The following DACH2 variants were observed in gnomAD, a reference collection of about 807,000 sequenced individuals.
The protein encoded by DACH2 is dachshund family transcription factor 2.
A neutral mutation model predicts 35.8 loss-of-function variants in DACH2; 17 were observed. The ratio of observed to expected loss-of-function variants is 0.48; its 90% CI spans 0.33 to 0.71. DACH2 has a LOEUF of 0.71. DACH2 is among the 30% of genes least tolerant of loss of function. The pLI is 0.02. For synonymous variants in DACH2, 195 were observed against 177.3 expected (o/e 1.10, Z -0.79); for missense variants, 469 against 472.7 (o/e 0.99, Z 0.07).
chrX:86,231,552 T>C (rs1262562200), intron 1 of DACH2, among the ~76,000 whole-genome samples: 1 of 110,972 alleles, frequency 9.0e-6, no homozygotes, highest in Non-Finnish European at 1.9e-5. Flanking sequence ...GTCAGGGAAG[T>C]GGAGAAAATC....
At chrX:86,753,170 T>A (rs914545637) in intron 7 of DACH2, among the ~76,000 whole-genome samples, 18 of 110,955 alleles carry the variant, frequency 1.6e-4, no homozygotes, top group African/African-American at 5.9e-4. Context: ...ACTTCCAGTC[T>A]GTTATATGTG....
intron 2 of DACH2, among the ~76,000 whole-genome samples, chrX:86,459,022 A>C (rs947584554): frequency 5.4e-5 from 6 of 111,846 alleles, no homozygotes; most frequent in Admixed American, 9.5e-5. Flanking sequence ...GTATAATAAA[A>C]AACTTATTAA....
chrX:86,312,819 TACTC>T (rs1464974092), intron 1 of DACH2, among the ~76,000 whole-genome samples: 2 of 111,404 alleles, frequency 1.8e-5, no homozygotes, highest in Non-Finnish European at 3.8e-5. Flanking sequence ...TGTAAGTTAA[TACTC>T]AATAAACTCT....
At chrX:86,202,792 G>A (rs1169076812) in intron 1 of DACH2, among the ~76,000 whole-genome samples, 7 of 110,897 alleles carry the variant, frequency 6.3e-5, no homozygotes, top group African/African-American at 9.8e-5. Context: ...GAGAACTATC[G>A]CTGAAATAAC....
At position 86,487,620 on chromosome X, in the gene DACH2, T is replaced by A. The variant is rs560523086; in HGVS notation, c.528-26659T>A. Among the ~76,000 whole-genome samples, 35 of 97,020 alleles carry A rather than the reference T, an allele frequency of 3.6e-4. No homozygotes were observed. In the South Asian group the frequency reaches 0.019, roughly 53 times the overall value. The allele number at this position is 97,020 out of a possible 115,157, so 84.3% of individuals were successfully genotyped here. On this transcript the variant is annotated intron_variant, in intron 2 of 11. Transcript: ENST00000373125. ...AAGATAATCCTTTTATAAATTATAGTCTTATATTGCAAAACACTTGATGAG... is the reference window on the plus strand; with the variant it reads ...AAGATAATCCTTTTATAAATTATAGACTTATATTGCAAAACACTTGATGAG...
intron 3 of DACH2, among the ~76,000 whole-genome samples, chrX:86,598,957 C>T (rs1003658843): frequency 8.2e-5 from 9 of 110,081 alleles, no homozygotes; most frequent in Non-Finnish European, 1.5e-4. Flanking sequence ...TCGCCCCTCC[C>T]GCCACCCCAC....
intron 3 of DACH2, among the ~76,000 whole-genome samples, chrX:86,555,572 G>A (rs772346093): frequency 3.8e-4 from 42 of 110,630 alleles, no homozygotes; most frequent in Non-Finnish European, 6.8e-4. Context: ...GTTAGTTTTG[G>A]GTATTTTACT....
intron 2 of DACH2, among the ~76,000 whole-genome samples, chrX:86,417,895 A>T (rs1657570132): frequency 8.9e-6 from 1 of 111,796 alleles, no homozygotes; most frequent in Admixed American, 9.5e-5. Context: ...AGCCCATAAA[A>T]ATCAAAAGCA....
intron 3 of DACH2, among the ~76,000 whole-genome samples, chrX:86,543,668 T>A (rs1365083857): frequency 9.1e-6 from 1 of 110,468 alleles, no homozygotes; most frequent in Non-Finnish European, 1.9e-5. Flanking sequence ...TCTTCAAGAA[T>A]GTCAGAATAC....
At chrX:86,519,324 C>T (rs190568008) in intron 3 of DACH2, among the ~76,000 whole-genome samples, 5 of 111,832 alleles carry the variant, frequency 4.5e-5, no homozygotes, top group Admixed American at 9.5e-5. Flanking sequence ...ATTTTTTCAT[C>T]GATGTTCATG....
chrX:86,395,174 T>C (rs2036264205), intron 2 of DACH2, among the ~76,000 whole-genome samples: 1 of 111,378 alleles, frequency 9.0e-6, no homozygotes, highest in South Asian at 3.7e-4. Context: ...TGATGATCTC[T>C]AACATATAGC....
chrX:86,471,924 C>T (rs2037766741), intron 2 of DACH2, among the ~76,000 whole-genome samples: 1 of 111,391 alleles, frequency 9.0e-6, no homozygotes, highest in South Asian at 3.7e-4. Context: ...GATGTAATAC[C>T]TATGTTAATT....
intron 1 of DACH2, among the ~76,000 whole-genome samples, chrX:86,340,810 A>C (rs932932064): frequency 5.3e-5 from 6 of 112,170 alleles, no homozygotes; most frequent in African/African-American, 1.9e-4. Flanking sequence ...GATGTGAAGA[A>C]AGTTTGAGTG....
chrX:86,460,854 G>A (rs2037560109), intron 2 of DACH2, among the ~76,000 whole-genome samples: 1 of 110,669 alleles, frequency 9.0e-6, no homozygotes, highest in African/African-American at 3.3e-5. Context: ...TTAAAAAAAA[G>A]TGAGACCCAT....
chrX:86,294,583 G>C (rs1190236884), intron 1 of DACH2, among the ~76,000 whole-genome samples: 2 of 109,684 alleles, frequency 1.8e-5, no homozygotes, highest in African/African-American at 6.6e-5. Context: ...TGATGATGGT[G>C]ATGTACAGAT....
chrX:86,485,836 T>G (rs1318889999), intron 2 of DACH2, among the ~76,000 whole-genome samples: 2 of 111,899 alleles, frequency 1.8e-5, no homozygotes, highest in Non-Finnish European at 3.8e-5. Context: ...CAGCAACAAT[T>G]AAGCTATACT....
At chrX:86,693,202 T>A (rs1238224726) in intron 4 of DACH2, among the ~76,000 whole-genome samples, 1 of 111,951 alleles carries the variant, frequency 8.9e-6, no homozygotes, top group Non-Finnish European at 1.9e-5. Context: ...ATTAAACCAG[T>A]CTATCAAATT....
chrX:86,525,031 G>A (rs1338888349), intron 3 of DACH2, among the ~76,000 whole-genome samples: 1 of 111,482 alleles, frequency 9.0e-6, no homozygotes. Context: ...CATTTTTAGC[G>A]TTTCTGATTA....
intron 1 of DACH2, among the ~76,000 whole-genome samples, chrX:86,257,640 T>G (rs2033546780): frequency 9.0e-6 from 1 of 111,315 alleles, no homozygotes; most frequent in South Asian, 3.8e-4. Context: ...ACTCCTGGGG[T>G]CAAGAGATCC....
Sources: allele counts gnomAD v4.1 joint callset (sites outside exome capture counted in the v4.1 genomes callset), GRCh38; gene constraint gnomAD v4.1.1; transcripts MANE v1.5; gene names NCBI Gene and HGNC (gene_info 2026-07-23, HGNC 2026-07-21).